ELMO1: variants seen among roughly 807,000 people sequenced by gnomAD.
ELMO1 encodes the protein engulfment and cell motility 1.
ELMO1 carries 26 observed loss-of-function variants against 98.9 expected under a neutral mutation model. The ratio of observed to expected loss-of-function variants is 0.26; its 90% CI spans 0.19 to 0.36. ELMO1 has a LOEUF of 0.36. ELMO1 is among the 10% of genes least tolerant of loss of function. The pLI, the probability that ELMO1 is intolerant of heterozygous loss-of-function variation, is 1.00. For synonymous variants in ELMO1, 346 were observed against 346.0 expected (o/e 1.00, Z 0.00); for missense variants, 627 against 935.2 (o/e 0.67, Z 4.30).
At chr7:37,327,115 C>T (rs75608872) in intron 2 of ELMO1, among the ~76,000 whole-genome samples, 9,588 of 152,288 alleles carry the variant, frequency 0.063, 401 homozygotes, top group Middle Eastern at 0.092. Context: ...TCCTTGATAT[C>T]AGTCTTTTCC....
chr7:37,286,019 GGAAA>G (rs1797376144), intron 4 of ELMO1, among the ~76,000 whole-genome samples: 1 of 150,766 alleles, frequency 6.6e-6, no homozygotes, highest in Non-Finnish European at 1.5e-5. Context: ...TGCACTTATA[GGAAA>G]GAAACTCATG....
At chr7:36,903,150 C>T (rs991026062) in intron 16 of ELMO1, among the ~76,000 whole-genome samples, 1 of 152,210 alleles carries the variant, frequency 6.6e-6, no homozygotes, top group Admixed American at 6.5e-5. Context: ...AATCTTGTCT[C>T]ACTAGGATTC....
intron 1 of ELMO1, among the ~76,000 whole-genome samples, chr7:37,417,783 A>G (rs943010876): frequency 1.6e-4 from 24 of 152,186 alleles, no homozygotes; most frequent in African/African-American, 5.8e-4. Context: ...CAGAGGTTGC[A>G]GTGAGTCGAG....
At chr7:36,919,363 C>T in intron 16 of ELMO1, 1 of 532,416 alleles carries the variant, frequency 1.9e-6, no homozygotes, top group Non-Finnish European at 3.9e-6. Flanking sequence ...TTCAGGCTAT[C>T]CCTGACAAAT....
intron 15 of ELMO1, among the ~76,000 whole-genome samples, chr7:37,038,985 A>G (rs34571901): frequency 0.13 from 19,509 of 152,248 alleles, 1,658 homozygotes; most frequent in African/African-American, 0.25. Flanking sequence ...ATACCTTCAC[A>G]TTGCCAGTTA....
intron 16 of ELMO1, among the ~76,000 whole-genome samples, chr7:36,950,075 T>C (rs981715146): frequency 1.7e-4 from 26 of 152,170 alleles, no homozygotes; most frequent in African/African-American, 5.5e-4. Context: ...CTCACCACTT[T>C]TTTTCAGCAT....
chr7:37,425,448 A>T (rs1043755076), intron 1 of ELMO1, among the ~76,000 whole-genome samples: 2 of 152,232 alleles, frequency 1.3e-5, no homozygotes, highest in Admixed American at 1.3e-4. Flanking sequence ...CATTCAGTGC[A>T]TCATGATAGT....
At chr7:37,393,756 G>A (rs1230565490) in intron 1 of ELMO1, 1 of 152,044 alleles carries the variant, frequency 6.6e-6, no homozygotes, top group Non-Finnish European at 1.5e-5. Context: ...CAAAATCACT[G>A]TTCATTTGTT....
intron 2 of ELMO1, among the ~76,000 whole-genome samples, chr7:37,322,632 A>C (rs1447515538): frequency 1.3e-5 from 2 of 151,618 alleles, no homozygotes; most frequent in African/African-American, 4.8e-5. Flanking sequence ...CAAAAAAAAA[A>C]AAAAATACAA....
intron 16 of ELMO1, among the ~76,000 whole-genome samples, chr7:36,971,157 G>C (rs1341424732): frequency 6.6e-6 from 1 of 152,174 alleles, no homozygotes; most frequent in African/African-American, 2.4e-5. Context: ...AAGAACGAAA[G>C]GTCTAGAAAC....
intron 7 of ELMO1, among the ~76,000 whole-genome samples, chr7:37,238,559 A>C (rs1209126858): frequency 2.6e-5 from 4 of 152,142 alleles, no homozygotes; most frequent in Non-Finnish European, 2.9e-5. Flanking sequence ...TTATTGACTT[A>C]CTGCAATAGC....
intron 4 of ELMO1, among the ~76,000 whole-genome samples, chr7:37,291,518 A>G (rs1388260254): frequency 6.6e-6 from 1 of 152,240 alleles, no homozygotes; most frequent in African/African-American, 2.4e-5. Context: ...CTCCAAACCC[A>G]CTATTGGACA....
intron 4 of ELMO1, among the ~76,000 whole-genome samples, chr7:37,282,559 C>T (rs563968521): frequency 1.3e-5 from 2 of 152,152 alleles, no homozygotes; most frequent in African/African-American, 4.8e-5. Flanking sequence ...GACAGGACTA[C>T]GGATCGACCG....
chr7:37,134,589 T>C (rs762851691), intron 13 of ELMO1, among the ~76,000 whole-genome samples: 31 of 151,150 alleles, frequency 2.1e-4, no homozygotes, highest in South Asian at 4.2e-4. Flanking sequence ...GAAATCATTA[T>C]ACCAAAAAGT....
chr7:36,968,091 G>A (rs923508484), intron 16 of ELMO1, among the ~76,000 whole-genome samples: 4 of 152,156 alleles, frequency 2.6e-5, no homozygotes, highest in African/African-American at 9.7e-5. Context: ...GCAATAATGA[G>A]TGTTAACATT....
intron 14 of ELMO1, among the ~76,000 whole-genome samples, chr7:37,111,161 T>G (rs1785229930): frequency 6.6e-6 from 1 of 152,212 alleles, no homozygotes; most frequent in Non-Finnish European, 1.5e-5. Flanking sequence ...CTGCGTTCTC[T>G]GCAGGCTCCT....
intron 2 of ELMO1, among the ~76,000 whole-genome samples, chr7:37,341,936 A>G (rs929677752): frequency 2.6e-5 from 4 of 152,228 alleles, no homozygotes; most frequent in African/African-American, 9.6e-5. Flanking sequence ...GATAACCTAT[A>G]ATCAAATAGT....
rs78815676 is a variant in ELMO1, at chr7:37,017,290, G to C, written c.1301-3855C>G. ...TTTTATCTTTCTCAGCTTCTCTAAC[G>C]TATCAAGGTTTCCCCAGGTACTCAG... On this transcript the variant is annotated intron_variant, in intron 15 of 21. Coordinates refer to ENST00000310758, the MANE Select transcript of ELMO1 (RefSeq NM_014800.11). Among the ~76,000 whole-genome samples the C allele has an allele frequency of 2.3e-3, 347 of 151,922 alleles. 8 individuals are homozygous for C. The East Asian group carries it at 0.026, about 12-fold the overall frequency.
chr7:37,403,543 CATTT>C (rs1276007617), intron 1 of ELMO1, among the ~76,000 whole-genome samples: 3 of 148,970 alleles, frequency 2.0e-5, no homozygotes, highest in African/African-American at 7.4e-5. Context: ...CTGTCTTTCT[CATTT>C]ATTTATTTAT....
Sources: allele counts gnomAD v4.1 joint callset (sites outside exome capture counted in the v4.1 genomes callset), GRCh38; gene constraint gnomAD v4.1.1; transcripts MANE v1.5; gene names NCBI Gene and HGNC (gene_info 2026-07-23, HGNC 2026-07-21).